TMEM178B: variants seen among roughly 807,000 people sequenced by gnomAD.
TMEM178B encodes the protein transmembrane protein 178B.
TMEM178B carries 5 observed loss-of-function variants against 31.0 expected under a neutral mutation model. The ratio of observed to expected loss-of-function variants is 0.16; its 90% CI spans 0.08 to 0.34. The LOEUF (loss-of-function observed/expected upper bound fraction) is 0.34. Among genes scored for constraint, TMEM178B ranks in the 10% least tolerant of loss-of-function variants. The pLI is 1.00. For synonymous variants in TMEM178B, 164 were observed against 164.0 expected, an observed-to-expected ratio of 1.00 and a Z score of 0.00; for missense variants, 275 against 400.3, an observed-to-expected ratio of 0.69 and a Z score of 2.67.
At chr7:141,247,124 T>G (rs1393526355) in intron 2 of TMEM178B, among the ~76,000 whole-genome samples, 8 of 152,060 alleles carry the variant, frequency 5.3e-5, no homozygotes, top group African/African-American at 1.4e-4. Context: ...TCTCTTTCTA[T>G]GTATATATAG....
chr7:141,393,086 TATGTATG>T (rs1800575356), intron 2 of TMEM178B, among the ~76,000 whole-genome samples: 1 of 152,114 alleles, frequency 6.6e-6, no homozygotes, highest in Non-Finnish European at 1.5e-5. Context: ...GAATTCACAG[TATGTATG>T]ATAACTCATT....
chr7:141,123,535 C>A (rs1275531289), intron 1 of TMEM178B, among the ~76,000 whole-genome samples: 1 of 152,188 alleles, frequency 6.6e-6, no homozygotes, highest in Non-Finnish European at 1.5e-5. Flanking sequence ...GCCTCAGACC[C>A]AGGGACATGG....
intron 1 of TMEM178B, among the ~76,000 whole-genome samples, chr7:141,145,926 A>G (rs74440529): frequency 6.6e-6 from 1 of 152,198 alleles, no homozygotes; most frequent in Non-Finnish European, 1.5e-5. Context: ...GCAATTGTTC[A>G]TCTAATGCTT....
At chr7:141,289,714 C>CA (rs35000633) in intron 2 of TMEM178B, among the ~76,000 whole-genome samples, 2,767 of 92,142 alleles carry the variant, frequency 0.03, 81 homozygotes, top group East Asian at 0.077. Flanking sequence ...GACCCTGTCT[C>CA]AAAAAAAAAA....
intron 2 of TMEM178B, among the ~76,000 whole-genome samples, chr7:141,328,664 A>G (rs554313995): frequency 6.6e-6 from 1 of 152,338 alleles, no homozygotes; most frequent in African/African-American, 2.4e-5. Context: ...CCTTCTGCTC[A>G]GAAGACGTTG....
intron 1 of TMEM178B, among the ~76,000 whole-genome samples, chr7:141,202,064 T>G (rs1487289426): frequency 6.6e-6 from 1 of 152,154 alleles, no homozygotes; most frequent in Non-Finnish European, 1.5e-5. Context: ...TTCTCAGTCT[T>G]CATATATGAG....
intron 3 of TMEM178B, among the ~76,000 whole-genome samples, chr7:141,438,798 C>T (rs2116684058): frequency 6.8e-6 from 1 of 146,464 alleles, no homozygotes. Flanking sequence ...ATTGCTTGAA[C>T]CTGGCAGGCA....
chr7:141,433,594 G>A lies in TMEM178B; in HGVS notation c.497-4014G>A, dbSNP rs562103436. ...CTAGACACATTTTTTTCAATCGGCC[G>A]TTATAACCCAGAAATCTTTAATTGC... On this transcript the variant is annotated intron_variant, in intron 2 of 3. Coordinates refer to ENST00000565468, the MANE Select transcript of TMEM178B (RefSeq NM_001195278.2). Among the ~76,000 whole-genome samples, 11 of 152,236 alleles carry A rather than the reference G, an allele frequency of 7.2e-5. No homozygotes were observed. The South Asian group carries it at 1.0e-3, about 14-fold the overall frequency.
chr7:141,505,238 T>C, the TMEM178B span, among the ~76,000 whole-genome samples: 1 of 152,244 alleles, frequency 6.6e-6, no homozygotes, highest in South Asian at 2.1e-4. Flanking sequence ...GGGCACCTAA[T>C]GGCAATCAAG....
intron 3 of TMEM178B, among the ~76,000 whole-genome samples, chr7:141,442,186 A>C (rs1801672897): frequency 6.6e-6 from 1 of 152,110 alleles, no homozygotes; most frequent in African/African-American, 2.4e-5. Context: ...AGATGAGCAT[A>C]AACATCAACG....
intron 2 of TMEM178B, among the ~76,000 whole-genome samples, chr7:141,242,832 C>T (rs112625242): frequency 2.9e-4 from 44 of 152,228 alleles, no homozygotes; most frequent in African/African-American, 8.4e-4. Context: ...CATGAGCCAC[C>T]GTGCCAGGCC....
intron 1 of TMEM178B, among the ~76,000 whole-genome samples, chr7:141,172,100 G>A (rs1411142087): frequency 6.6e-6 from 1 of 152,178 alleles, no homozygotes; most frequent in Non-Finnish European, 1.5e-5. Context: ...GGAAACTGAG[G>A]CATATAGAGA....
At chr7:141,296,347 T>A (rs1306434870) in intron 2 of TMEM178B, among the ~76,000 whole-genome samples, 3 of 151,852 alleles carry the variant, frequency 2.0e-5, no homozygotes, top group African/African-American at 7.3e-5. Context: ...GGATTACAGG[T>A]GTGAGCCACT....
In TMEM178B at chr7:141,074,578, G is replaced by C; in HGVS notation, c.268G>C (p.Ala90Pro). 6.5e-7 allele frequency: 1 copy of C among 1,535,924 alleles called. No homozygotes were observed. The highest frequency in any genetic ancestry group is 8.7e-7 in the Non-Finnish European group (1 of 1,146,760). ...GGCCCGGAATCGCCGGCAGCTGTTC[G>C]CCATGAGCCCCGCGGACGAGTGCAG... ...LRARNRRQLF[A>P]MSPADECSRQ... Residue 90 changes from alanine to proline, a missense_variant, in exon 1 of 4, where the codon GCC becomes CCC. Coordinates refer to ENST00000565468, the MANE Select transcript of TMEM178B (RefSeq NM_001195278.2). This position sits in a 1 kb window ranked among gnomAD's most constrained non-coding sequence, Gnocchi z 5.1.
intron 2 of TMEM178B, among the ~76,000 whole-genome samples, chr7:141,385,662 C>T (rs1800418482): frequency 6.6e-6 from 1 of 152,164 alleles, no homozygotes; most frequent in Non-Finnish European, 1.5e-5. Context: ...CCTGTTTATC[C>T]TGCTTATTCT....
At position 141,088,088 on chromosome 7, in the gene TMEM178B, G is replaced by A. The variant is rs527316175; in HGVS notation, c.382+13396G>A. Among the ~76,000 whole-genome samples the A allele has an allele frequency of 5.9e-5, 9 of 152,158 alleles. No individual in the cohort carries two copies. The South Asian group carries it at 1.7e-3, about 28-fold the overall frequency. On this transcript the variant is annotated intron_variant, in intron 1 of 3. Coordinates refer to ENST00000565468, the MANE Select transcript of TMEM178B (RefSeq NM_001195278.2). ...TTCTGCTTGGTTCTTGATGCTCTGC[G>A]GGGAGGGAGACATGTTGCACTTCAT...
At chr7:141,157,247 T>A (rs1355548939) in intron 1 of TMEM178B, among the ~76,000 whole-genome samples, 1 of 152,120 alleles carries the variant, frequency 6.6e-6, no homozygotes, top group African/African-American at 2.4e-5. Context: ...CATGGTGATT[T>A]TGAGGACAGG....
At chr7:141,120,630 T>A (rs1795393005) in intron 1 of TMEM178B, among the ~76,000 whole-genome samples, 2 of 152,132 alleles carry the variant, frequency 1.3e-5, no homozygotes, top group Non-Finnish European at 2.9e-5. Flanking sequence ...TGGATGTTTT[T>A]AGTTATTTTC....
chr7:141,356,918 A>G (rs968092892), intron 2 of TMEM178B, among the ~76,000 whole-genome samples: 1 of 152,214 alleles, frequency 6.6e-6, no homozygotes, highest in Non-Finnish European at 1.5e-5. Context: ...TATATCCTAA[A>G]TCAATAACTG....
Sources: gnomAD v4.1 joint callset for allele counts (sites outside exome capture counted in the v4.1 genomes callset) on GRCh38, gnomAD v4.1.1 for gene constraint, Gnocchi (gnomAD v3.1) non-coding constraint, MANE v1.5 for transcripts, NCBI Gene and HGNC (gene_info 2026-07-23, HGNC 2026-07-21) for gene names.